Variants in SNF8 observed in about 807,000 individuals in gnomAD.
SNF8 encodes vacuolar-sorting protein SNF8.
In SNF8, 19 loss-of-function variants were observed where a neutral mutation model predicts 36.8. That is an observed-to-expected ratio of 0.52 (90% CI 0.36 to 0.76). The LOEUF (loss-of-function observed/expected upper bound fraction) is 0.76, where lower values mean the gene tolerates loss of function less well. Among genes scored for constraint, SNF8 ranks in the 30% least tolerant of loss-of-function variants. The probability of loss-of-function intolerance (pLI) is 0.00; values close to 1 mark genes in which losing one functional copy is unlikely to be tolerated. For synonymous variants in SNF8, 127 were observed against 127.4 expected, an observed-to-expected ratio of 1.00 and a Z score of 0.02; for missense variants, 268 against 322.9, an observed-to-expected ratio of 0.83 and a Z score of 1.30.
intron 2 of SNF8, among the ~76,000 whole-genome samples, chr17:48,941,791 GT>G (rs1349333202): frequency 1.3e-5 from 2 of 151,884 alleles, no homozygotes; most frequent in East Asian, 3.9e-4. Context: ...CCCAGTTCAA[GT>G]TGATTCTCTT....
chr17:48,943,062 C>T (rs1343743581), intron 2 of SNF8, among the ~76,000 whole-genome samples: 1 of 146,924 alleles, frequency 6.8e-6, no homozygotes, highest in Non-Finnish European at 1.5e-5. Context: ...GACGGGGTTT[C>T]GCCATGTTGG....
Position 48,939,924 on chromosome 17 carries a change from A to G in SNF8, c.244+1000T>C, listed in dbSNP as rs1426294668. On this transcript the variant is annotated intron_variant, in intron 3 of 7. Coordinates refer to ENST00000502492, the MANE Select transcript of SNF8 (RefSeq NM_007241.4). Reference sequence around the variant, plus strand: ...ACCTCCTCTCTACAAAAAATACAAAAATTAGCCAGATTTGGTGGTGCAGGC... The same window carrying G: ...ACCTCCTCTCTACAAAAAATACAAAGATTAGCCAGATTTGGTGGTGCAGGC... 2.6e-5 allele frequency among the ~76,000 whole-genome samples: 4 copies of G among 151,592 alleles called. No homozygotes were observed. The East Asian group carries it at 7.9e-4, about 30-fold the overall frequency.
Position 48,941,030 on chromosome 17 carries a change from G to C in SNF8, c.138C>G (p.Asn46Lys), listed in dbSNP as rs2041015332. Reference sequence around the variant, plus strand: ...TGTGTTTGCTGGCAAATTCCTCCAGGTTGGTCTTGAACATGTCCAACTGCT... The same window carrying C: ...TGTGTTTGCTGGCAAATTCCTCCAGCTTGGTCTTGAACATGTCCAACTGCT... ...MSKQLDMFKTNLEEFASKHKQ... is the reference protein window; with the variant it reads ...MSKQLDMFKTKLEEFASKHKQ... The change falls in exon 3 of 8, where the codon AAC becomes AAG. Residue 46 changes from asparagine (N) to lysine (K), a missense_variant. Asn to Lys is a moderately conservative substitution (Grantham distance 94, BLOSUM62 0). Coordinates refer to ENST00000502492, the MANE Select transcript of SNF8 (RefSeq NM_007241.4). The C allele has an allele frequency of 6.2e-7, 1 of 1,613,890 alleles. No individual in the cohort carries two copies. The highest frequency in any genetic ancestry group is 8.5e-7 in the Non-Finnish European group (1 of 1,180,000).
At chr17:48,937,499 G>A (rs1052300393) in intron 3 of SNF8, among the ~76,000 whole-genome samples, 2 of 152,038 alleles carry the variant, frequency 1.3e-5, no homozygotes, top group African/African-American at 2.4e-5. Context: ...GAGTGGTGGC[G>A]TGCGCCTGTA....
rs1353550747 is a variant in SNF8, at chr17:48,930,263, TTC to T, written c.*210_*211del. 1.6e-5 allele frequency: 7 copies of T among 442,198 alleles called. No individual in the cohort carries two copies. Among genetic ancestry groups the T allele is most frequent in the African/African-American group, 7.9e-5 (4 of 50,712 alleles). 27.4% of individuals were successfully genotyped at this position (442,198 alleles called of 1,614,324 possible). On this transcript the variant is annotated 3_prime_UTR_variant, in exon 8 of 8. Coordinates refer to ENST00000502492, the MANE Select transcript of SNF8 (RefSeq NM_007241.4). ...AAAATCATTTTATATGTGCTTGCCG[TTC>T]TCTGTGTTAATCAGATTATGCTTAC...
At chr17:48,936,677 C>A (rs2040938726) in intron 4 of SNF8, 2 of 346,184 alleles carry the variant, frequency 5.8e-6, no homozygotes, top group Non-Finnish European at 1.1e-5. Flanking sequence ...TCCCATACGT[C>A]GGAGAGACAG....
intron 4 of SNF8, chr17:48,936,655 C>T (rs1598087896): frequency 3.0e-6 from 1 of 331,274 alleles, no homozygotes; most frequent in Non-Finnish European, 5.6e-6. Flanking sequence ...GGAACACAGA[C>T]TCAGTTGGCA....
At chr17:48,941,274 T>C (rs2041019408) in intron 2 of SNF8, among the ~76,000 whole-genome samples, 1 of 152,050 alleles carries the variant, frequency 6.6e-6, no homozygotes, top group South Asian at 2.1e-4. Flanking sequence ...GTTTTCTCAC[T>C]TCCAAAATAC....
intron 3 of SNF8, among the ~76,000 whole-genome samples, chr17:48,939,998 C>T (rs1243475821): frequency 1.4e-5 from 2 of 144,344 alleles, no homozygotes; most frequent in African/African-American, 5.1e-5. Flanking sequence ...TTGCTTCAAC[C>T]TGGGAGGCAG....
At chr17:48,935,284 C>T (rs903711806) in intron 5 of SNF8, among the ~76,000 whole-genome samples, 9 of 152,144 alleles carry the variant, frequency 5.9e-5, no homozygotes, top group Non-Finnish European at 8.8e-5. Flanking sequence ...GAGGCTGAGG[C>T]GGGTGGATCA....
intron 3 of SNF8, among the ~76,000 whole-genome samples, chr17:48,938,670 C>A (rs898939431): frequency 2.6e-5 from 4 of 152,164 alleles, no homozygotes; most frequent in African/African-American, 4.8e-5. Context: ...GAGATCAAGA[C>A]CATCCTGGCT....
chr17:48,937,481 T>C (rs532494665), intron 3 of SNF8, among the ~76,000 whole-genome samples: 23 of 151,956 alleles, frequency 1.5e-4, no homozygotes, highest in African/African-American at 5.3e-4. Flanking sequence ...TAATAATAAA[T>C]TAGCCAGGAG....
rs770952765 is a variant in SNF8 at position 48,940,906 on chromosome 17, C to T, written c.244+18G>A. On this transcript the variant is annotated intron_variant, in intron 3 of 7. Coordinates refer to ENST00000502492, the MANE Select transcript of SNF8 (RefSeq NM_007241.4). ...GGTACTCTATAAGAACGCTGGACCC[C>T]TACAGACAACTTCTTACAGGCCAGC... 1 of 1,611,128 alleles carries T rather than the reference C, an allele frequency of 6.2e-7. No homozygotes were observed. Among genetic ancestry groups the T allele is most frequent in the South Asian group, 1.1e-5 (1 of 90,952 alleles).
At chr17:48,936,584 T>G (rs980404917) in intron 4 of SNF8, 32 of 317,200 alleles carry the variant, frequency 1.0e-4, no homozygotes, top group African/African-American at 6.7e-4. Context: ...TCCACACCAT[T>G]TAACGTGCTT....
In SNF8 at chr17:48,944,652, G is replaced by T. The variant is rs780169393; in HGVS notation, c.54+29C>A. The T allele has an allele frequency of 4.8e-5, 77 of 1,610,098 alleles. 2 individuals are homozygous for T. The East Asian group carries it at 1.7e-3, about 36-fold the overall frequency. ...TTCAGTCTCGCACGGGTCAGGGGCA[G>T]GTTGTGGGTCGGCCTTCTTCCTGCT... On this transcript the variant is annotated intron_variant, in intron 1 of 7. Transcript: ENST00000502492.
chr17:48,943,785 A>G (rs550120203), intron 2 of SNF8, 140 bp downstream of exon 2: 2 of 722,530 alleles, frequency 2.8e-6, no homozygotes, highest in African/African-American at 1.7e-5. Context: ...GTCACCTAAA[A>G]GATCTCAGCG....
At chr17:48,938,071 T>A (rs1162631526) in intron 3 of SNF8, among the ~76,000 whole-genome samples, 1 of 152,184 alleles carries the variant, frequency 6.6e-6, no homozygotes, top group East Asian at 1.9e-4. Flanking sequence ...GGAAATATGG[T>A]CTAGACAAGA....
chr17:48,931,738 GATTGA>G, intron 6 of SNF8, 21 bp from the exon 7 acceptor site: 1 of 1,600,374 alleles, frequency 6.2e-7, no homozygotes, highest in Non-Finnish European at 8.6e-7. Flanking sequence ...GAGGAATGGG[GATTGA>G]ATCAGTTAAG....
In SNF8 at chr17:48,941,055, T is replaced by A; in HGVS notation, c.113A>T (p.Lys38Met). Reference protein sequence around the residue: ...LAEDQLAQMSKQLDMFKTNLE... With the variant: ...LAEDQLAQMSMQLDMFKTNLE... ...GTTGGTCTTGAACATGTCCAACTGC[T>A]TTGACATCTGTTGGATGGACAGGGA... The change falls in exon 3 of 8, where the codon AAG (lysine) becomes ATG (methionine). Residue 38 changes from lysine (K) to methionine (M), a missense_variant. By Grantham distance (95) the Lys-to-Met change is moderately conservative. Coordinates refer to ENST00000502492, the MANE Select transcript of SNF8 (RefSeq NM_007241.4). 1 of 1,613,810 alleles carries A rather than the reference T, an allele frequency of 6.2e-7. No homozygotes were observed.
Sources: gnomAD v4.1 joint callset for allele counts (sites outside exome capture counted in the v4.1 genomes callset) on GRCh38, gnomAD v4.1.1 for gene constraint, MANE v1.5 for transcripts, NCBI Gene and HGNC (gene_info 2026-07-23, HGNC 2026-07-21) for gene names.